SHANK2: variants seen among roughly 807,000 people sequenced by gnomAD.
The protein encoded by SHANK2 is SH3 and multiple ankyrin repeat domains protein 2.
A neutral mutation model predicts 133.7 loss-of-function variants in SHANK2; 43 were observed. The observed-to-expected ratio is 0.32, with a 90% CI of 0.25 to 0.41. The LOEUF (loss-of-function observed/expected upper bound fraction) is 0.41, where lower values mean the gene tolerates loss of function less well. SHANK2 is among the 10% of genes least tolerant of loss of function. SHANK2 has a pLI of 1.00. For missense variants in SHANK2, 1,994 were observed against 2,235.8 expected (o/e 0.89, Z 2.18); for synonymous variants, 1,017 against 952.8 (o/e 1.07, Z -1.24).
At chr11:70,687,360 A>T (rs1341309409) in intron 15 of SHANK2, among the ~76,000 whole-genome samples, 3 of 152,188 alleles carry the variant, frequency 2.0e-5, no homozygotes, top group African/African-American at 7.2e-5. Context: ...CTCAGAGCAC[A>T]AGGTTGGAGC....
At chr11:71,184,303 G>A (rs564664432) in intron 2 of SHANK2, among the ~76,000 whole-genome samples, 12 of 152,230 alleles carry the variant, frequency 7.9e-5, no homozygotes, top group African/African-American at 1.4e-4. Context: ...CACAAGCCTC[G>A]CTGGTCAAAC....
chr11:71,098,149 A>ATGTGCATGCC (rs1951657307), intron 6 of SHANK2, among the ~76,000 whole-genome samples: 2 of 139,630 alleles, frequency 1.4e-5, no homozygotes, highest in African/African-American at 5.5e-5. Flanking sequence ...GTGTGCATGC[A>ATGTGCATGCC]TGCCTGTGTG....
In SHANK2 at chr11:70,787,817, T is replaced by C. The variant is rs567793098; in HGVS notation, c.1777+10626A>G. Among the ~76,000 whole-genome samples, 4 of 152,258 alleles carry C rather than the reference T, an allele frequency of 2.6e-5. No homozygotes were observed. The East Asian group carries it at 7.7e-4, about 29-fold the overall frequency. ...CCAGCCTCCAGGTAAAGGAAACAGA[T>C]GTCAGCTCAGATGTATCTATGTTTA... On this transcript the variant is annotated intron_variant, in intron 14 of 25. Coordinates refer to ENST00000601538, the MANE Select transcript of SHANK2 (RefSeq NM_012309.5).
At chr11:70,551,979 G>A (rs1554978216) in intron 17 of SHANK2, among the ~76,000 whole-genome samples, 1 of 152,212 alleles carries the variant, frequency 6.6e-6, no homozygotes, top group East Asian at 1.9e-4. Flanking sequence ...AGCCCGTGGG[G>A]GTGTGAGCTT....
intron 3 of SHANK2, among the ~76,000 whole-genome samples, chr11:71,136,205 G>A (rs1325333910): frequency 1.3e-5 from 2 of 152,168 alleles, no homozygotes; most frequent in African/African-American, 2.4e-5. Context: ...TCTGCTAAAC[G>A]CCACCCTGGG....
chr11:70,682,934 G>A (rs1945058591), intron 15 of SHANK2, among the ~76,000 whole-genome samples: 1 of 152,010 alleles, frequency 6.6e-6, no homozygotes, highest in African/African-American at 2.4e-5. Flanking sequence ...TGAGGAAACC[G>A]AGGCCAGGGG....
chr11:70,785,223 G>A (rs1326436544), intron 14 of SHANK2, among the ~76,000 whole-genome samples: 1 of 152,132 alleles, frequency 6.6e-6, no homozygotes, highest in Non-Finnish European at 1.5e-5. Context: ...ACAGACCCCT[G>A]GGGGCGCCTG....
chr11:70,713,772 T>C (rs1227594504), intron 14 of SHANK2, among the ~76,000 whole-genome samples: 2 of 152,178 alleles, frequency 1.3e-5, no homozygotes, highest in African/African-American at 4.8e-5. Context: ...CCGTCATGCC[T>C]TGCCGTGTGC....
At chr11:70,652,334 G>A (rs917449078) in intron 17 of SHANK2, among the ~76,000 whole-genome samples, 14 of 152,136 alleles carry the variant, frequency 9.2e-5, no homozygotes, top group East Asian at 1.9e-4. Flanking sequence ...GGAAGTGTCC[G>A]ACGTACTTGG....
intron 6 of SHANK2, among the ~76,000 whole-genome samples, chr11:71,097,892 G>T (rs1951647486): frequency 6.6e-6 from 1 of 151,824 alleles, no homozygotes; most frequent in Non-Finnish European, 1.5e-5. Context: ...GCCTGTGTGT[G>T]CATGGCTGTG....
chr11:70,608,871 C>T (rs565929888), intron 17 of SHANK2, among the ~76,000 whole-genome samples: 1 of 152,370 alleles, frequency 6.6e-6, no homozygotes, highest in African/African-American at 2.4e-5. Flanking sequence ...CCTTACAACA[C>T]AGTCCCCAGG....
chr11:70,586,166 C>A (rs1255878346), intron 17 of SHANK2, among the ~76,000 whole-genome samples: 1 of 152,056 alleles, frequency 6.6e-6, no homozygotes, highest in Non-Finnish European at 1.5e-5. Flanking sequence ...GGGGGAAGGT[C>A]AGGGAAGGCT....
rs1555108713 is a variant in SHANK2, at chr11:71,154,720, C to CCCAG, written c.-12-7383_-12-7382insCTGG. On this transcript the variant is annotated intron_variant, in intron 2 of 25. Coordinates refer to ENST00000601538, the MANE Select transcript of SHANK2 (RefSeq NM_012309.5). ...GCTCCCAGAGGAGGGATGGACCTACCCCCACCCACGCTCCCAGAGGAGGGA... is the reference window on the plus strand; with the variant it reads ...GCTCCCAGAGGAGGGATGGACCTACCCCAGCCCACCCACGCTCCCAGAGGAGGGA... Among the ~76,000 whole-genome samples the CCCAG allele has an allele frequency of 8.8e-4, 125 of 142,532 alleles. 2 individuals carry two copies. Among genetic ancestry groups the CCCAG allele is most frequent in the African/African-American group, 3.2e-3 (118 of 37,008 alleles). The allele number at this position is 142,532 out of a possible 152,430, so 93.5% of individuals were successfully genotyped here.
chr11:70,473,017 C>T lies in SHANK2; in HGVS notation c.5402G>A (p.Gly1801Asp), dbSNP rs782544299. 3 of 1,614,242 alleles carry T rather than the reference C, an allele frequency of 1.9e-6. No homozygotes were observed. Among genetic ancestry groups the T allele is most frequent in the East Asian group, 2.2e-5 (1 of 44,884 alleles). Residue 1801 changes from glycine (G) to aspartate (D), a missense_variant, in exon 26 of 26, where the codon GGT becomes GAT. Around this residue, in one of 5 missense-constraint regions of SHANK2, gnomAD observed 42 missense variants for 79.9 expected, o/e 0.53. Transcript: ENST00000601538. The surrounding 1 kb of genome is among the most constrained non-coding windows in gnomAD (Gnocchi z 5.9). ...VADWLESLNL[G>D]EHKEAFMDNE... ...GTCCATGAAGGCCTCTTTATGTTCA[C>T]CCAAGTTTAGACTTTCCAGCCAATC... is the stretch of plus-strand genomic sequence containing the variant.
intron 14 of SHANK2, among the ~76,000 whole-genome samples, chr11:70,708,734 T>TA (rs1555025487): frequency 6.6e-6 from 1 of 152,200 alleles, no homozygotes; most frequent in African/African-American, 2.4e-5. Context: ...TCCCAGATGA[T>TA]AATATACTGA....
At chr11:70,877,151 C>A (rs1590787864) in intron 11 of SHANK2, among the ~76,000 whole-genome samples, 1 of 152,360 alleles carries the variant, frequency 6.6e-6, no homozygotes, top group East Asian at 1.9e-4. Context: ...AAAGGAGCAA[C>A]AATGGTGTTC....
chr11:70,727,949 A>C (rs1946209780), intron 14 of SHANK2, among the ~76,000 whole-genome samples: 1 of 152,240 alleles, frequency 6.6e-6, no homozygotes, highest in Non-Finnish European at 1.5e-5. Context: ...TGTTCTGATG[A>C]GTTTTGTTGG....
At chr11:70,646,596 T>C (rs1555008309) in intron 17 of SHANK2, among the ~76,000 whole-genome samples, 1 of 152,164 alleles carries the variant, frequency 6.6e-6, no homozygotes. Flanking sequence ...TCAGATAGGA[T>C]TCAAATCTGT....
At position 71,135,597 on chromosome 11, in the gene SHANK2, G is replaced by A. The variant is rs576449044; in HGVS notation, c.207+11523C>T. ...CACCTCCCAGGTTCAAGCAATTCTC[G>A]TGCCTCAGCCACCACACCCAGGTAA... On this transcript the variant is annotated intron_variant, in intron 3 of 25. Coordinates refer to ENST00000601538, the MANE Select transcript of SHANK2 (RefSeq NM_012309.5). Among the ~76,000 whole-genome samples, 267 of 148,498 alleles carry A rather than the reference G, an allele frequency of 1.8e-3. 1 individual carries two copies. Among genetic ancestry groups the A allele is most frequent in the African/African-American group, 6.0e-3 (243 of 40,256 alleles).
Sources: allele counts gnomAD v4.1 joint callset (sites outside exome capture counted in the v4.1 genomes callset), GRCh38; gene constraint gnomAD v4.1.1; regional missense constraint gnomAD v4.1.1; non-coding constraint Gnocchi (gnomAD v3.1); transcripts MANE v1.5; gene names NCBI Gene and HGNC (gene_info 2026-07-23, HGNC 2026-07-21).